Variants in ITPK1 observed in about 807,000 individuals in gnomAD.
ITPK1 encodes the protein inositol-tetrakisphosphate 1-kinase, also known as inositol 1,3,4-trisphosphate 5/6-kinase.
Under a neutral mutation model 45.3 loss-of-function variants are expected in ITPK1, and 21 were observed. The ratio of observed to expected loss-of-function variants is 0.46; its 90% CI spans 0.33 to 0.67. The LOEUF is 0.67. Among genes scored for constraint, ITPK1 ranks in the 30% least tolerant of loss-of-function variants. The probability of loss-of-function intolerance (pLI) is 0.02; values close to 1 mark genes in which losing one functional copy is unlikely to be tolerated. For synonymous variants in ITPK1, 258 were observed against 253.6 expected, an observed-to-expected ratio of 1.02 and a Z score of -0.16; for missense variants, 474 against 573.5, an observed-to-expected ratio of 0.83 and a Z score of 1.77.
Position 92,940,533 on chromosome 14 carries a change from A to G in ITPK1, c.*1028T>C. On this transcript the variant is annotated 3_prime_UTR_variant, in exon 11 of 11. Coordinates refer to ENST00000267615, the MANE Select transcript of ITPK1 (RefSeq NM_014216.6). ...GACCAGGCCTGCTGGGTGAGGAGGG[A>G]CCCAGCAGGTGTGAAAAGGAGTGAA... is the stretch of plus-strand genomic sequence containing the variant. The G allele has an allele frequency of 1.7e-6, 2 of 1,168,964 alleles. No homozygotes were observed. The highest frequency in any genetic ancestry group is 2.1e-6 in the Non-Finnish European group (2 of 931,192). The allele number at this position is 1,168,964 out of a possible 1,614,324, so 72.4% of individuals were successfully genotyped here. A position where few individuals can be genotyped will look rare whatever the true frequency, so the allele number is the denominator to read the frequency against.
intron 5 of ITPK1, among the ~76,000 whole-genome samples, chr14:92,971,382 C>A (rs562012001): frequency 1.4e-4 from 22 of 152,350 alleles, no homozygotes; most frequent in African/African-American, 5.3e-4. Context: ...AGGGCTACTA[C>A]CCCTCCCCCA....
intron 3 of ITPK1, among the ~76,000 whole-genome samples, chr14:93,047,135 T>C (rs931331638): frequency 6.6e-6 from 1 of 152,208 alleles, no homozygotes; most frequent in Non-Finnish European, 1.5e-5. Context: ...GGTGAACCAT[T>C]ACCACCACTG....
Position 92,940,617 on chromosome 14 carries a change from C to T in ITPK1, c.*944G>A. The stretch of plus-strand genomic sequence containing the variant: ...TCATGCCGAGGCTCCCGCGCCTATC[C>T]TCACCTAGGTGACTTTATGGAAAGG... On this transcript the variant is annotated 3_prime_UTR_variant, in exon 11 of 11. Transcript: ENST00000267615. 1.6e-6 allele frequency: 2 copies of T among 1,216,074 alleles called. No homozygotes were observed. Among genetic ancestry groups the T allele is most frequent in the Non-Finnish European group, 2.1e-6 (2 of 953,432 alleles). 75.3% of individuals were successfully genotyped at this position (1,216,074 alleles called of 1,614,324 possible). A position where few individuals can be genotyped will look rare whatever the true frequency, so the allele number is the denominator to read the frequency against.
chr14:92,973,957 C>A (rs1885797045), intron 5 of ITPK1, among the ~76,000 whole-genome samples: 1 of 152,224 alleles, frequency 6.6e-6, no homozygotes, highest in Admixed American at 6.5e-5. Context: ...AAGCCATGTG[C>A]CTTGCCCGCA....
At chr14:93,107,530 G>T (rs910305118) in intron 2 of ITPK1, among the ~76,000 whole-genome samples, 3 of 152,170 alleles carry the variant, frequency 2.0e-5, no homozygotes, top group African/African-American at 7.2e-5. Flanking sequence ...TGTGGGTCCC[G>T]ATTCACCCTC....
intron 2 of ITPK1, among the ~76,000 whole-genome samples, chr14:93,107,389 A>G (rs1892567502): frequency 6.6e-6 from 1 of 152,272 alleles, no homozygotes; most frequent in Admixed American, 6.5e-5. Context: ...TAAAATAAGC[A>G]GGACAATGAG....
At chr14:93,092,880 C>G (rs1281996731) in intron 2 of ITPK1, among the ~76,000 whole-genome samples, 1 of 152,150 alleles carries the variant, frequency 6.6e-6, no homozygotes, top group Non-Finnish European at 1.5e-5. Context: ...GGCTGAAGAG[C>G]GCACTCCCCT....
chr14:93,095,592 T>C (rs970533590), intron 2 of ITPK1, among the ~76,000 whole-genome samples: 1 of 147,128 alleles, frequency 6.8e-6, no homozygotes, highest in Non-Finnish European at 1.5e-5. Flanking sequence ...TTTTTTTTTT[T>C]AATAAATTCA....
chr14:93,077,722 C>A (rs1443185081), intron 2 of ITPK1, among the ~76,000 whole-genome samples: 1 of 152,162 alleles, frequency 6.6e-6, no homozygotes, highest in Admixed American at 6.5e-5. Context: ...CCTCCCACCC[C>A]AGCCTTGAGG....
chr14:92,958,390 C>G lies in ITPK1; in HGVS notation c.505-24G>C. 6.2e-7 allele frequency: 1 copy of G among 1,613,090 alleles called. No homozygotes were observed. Among genetic ancestry groups the G allele is most frequent in the Non-Finnish European group, 8.5e-7 (1 of 1,179,380 alleles). ...ATCTGGGAAGACAAGGGGTCAAAAG[C>G]TCTGTCAGAATCCACCACCTTCTCA... On this transcript the variant is annotated intron_variant, in intron 7 of 10. Transcript: ENST00000267615. The surrounding 1 kb of genome is among the most constrained non-coding windows in gnomAD (Gnocchi z 4.4).
chr14:92,971,680 G>A (rs1272424369), intron 5 of ITPK1, among the ~76,000 whole-genome samples: 1 of 152,212 alleles, frequency 6.6e-6, no homozygotes, highest in African/African-American at 2.4e-5. Flanking sequence ...TCATGGCAGG[G>A]AAAGCCCAGG....
intron 3 of ITPK1, among the ~76,000 whole-genome samples, chr14:93,025,357 G>GA (rs1888686599): frequency 6.6e-6 from 1 of 152,244 alleles, no homozygotes; most frequent in Admixed American, 6.5e-5. Context: ...TTGCCAGGCA[G>GA]AAAATCTTGA....
Position 93,016,604 on chromosome 14 carries a change from C to G in ITPK1, c.246+72G>C. ...GAGCTGCTACCGCCCTAAATACACA[C>G]ACGGCCATTCCAGGGCCTCCCCTCC... is the stretch of plus-strand genomic sequence containing the variant. On this transcript the variant is annotated intron_variant, in intron 4 of 10. Transcript: ENST00000267615. The surrounding 1 kb of genome is among the most constrained non-coding windows in gnomAD (Gnocchi z 5.0). The G allele has an allele frequency of 6.4e-7, 1 of 1,551,474 alleles. No homozygotes were observed. The highest frequency in any genetic ancestry group is 8.8e-7 in the Non-Finnish European group (1 of 1,131,772).
chr14:93,061,401 G>C (rs1040118317), intron 3 of ITPK1, among the ~76,000 whole-genome samples: 7 of 152,264 alleles, frequency 4.6e-5, no homozygotes, highest in African/African-American at 1.7e-4. Context: ...TCCTCTCCCT[G>C]GGGTGAGGAA....
intron 3 of ITPK1, among the ~76,000 whole-genome samples, chr14:93,038,223 C>T (rs1030955877): frequency 1.3e-5 from 2 of 152,052 alleles, no homozygotes; most frequent in Non-Finnish European, 2.9e-5. Context: ...TTTGTAGAGA[C>T]GTGGTTTTGC....
At chr14:93,064,964 C>T (rs1450016593) in intron 3 of ITPK1, among the ~76,000 whole-genome samples, 4 of 152,154 alleles carry the variant, frequency 2.6e-5, no homozygotes, top group Non-Finnish European at 5.9e-5. Flanking sequence ...ACCTCCCCTG[C>T]CCATAATGAA....
At chr14:92,966,524 T>C (rs778366109) in intron 5 of ITPK1, among the ~76,000 whole-genome samples, 6 of 152,198 alleles carry the variant, frequency 3.9e-5, no homozygotes, top group Non-Finnish European at 5.9e-5. Flanking sequence ...TACTCCCAAA[T>C]TGATCTATAG....
At chr14:93,094,502 AT>A (rs1891988619) in intron 2 of ITPK1, among the ~76,000 whole-genome samples, 1 of 152,126 alleles carries the variant, frequency 6.6e-6, no homozygotes, top group South Asian at 2.1e-4. Flanking sequence ...TGAAGCCATC[AT>A]TTTATCAGTG....
intron 2 of ITPK1, among the ~76,000 whole-genome samples, chr14:93,104,609 T>C (rs880664): frequency 0.27 from 41,580 of 152,024 alleles, 6,675 homozygotes; most frequent in African/African-American, 0.46. Context: ...CAAGCTGTGC[T>C]GCTCACAGCA....
Sources: gnomAD v4.1 joint callset for allele counts (sites outside exome capture counted in the v4.1 genomes callset) on GRCh38, gnomAD v4.1.1 for gene constraint, Gnocchi (gnomAD v3.1) non-coding constraint, MANE v1.5 for transcripts, NCBI Gene and HGNC (gene_info 2026-07-23, HGNC 2026-07-21) for gene names.